PIK3CD: variants seen among roughly 807,000 people sequenced by gnomAD.
PIK3CD encodes the protein phosphatidylinositol 4,5-bisphosphate 3-kinase catalytic subunit delta isoform.
Under a neutral mutation model 122.9 loss-of-function variants are expected in PIK3CD, and 20 were observed. That is an observed-to-expected ratio of 0.16 (90% confidence interval 0.11 to 0.24). The LOEUF (loss-of-function observed/expected upper bound fraction) is 0.24. Ranked by LOEUF, PIK3CD falls within the 10% of genes least tolerant of loss-of-function variation. The probability of loss-of-function intolerance (pLI) is 1.00; values close to 1 mark genes in which losing one functional copy is unlikely to be tolerated. For missense variants in PIK3CD, 787 were observed against 1,406.3 expected (o/e 0.56, Z 7.04); for synonymous variants, 596 against 593.4 (o/e 1.00, Z -0.06).
At chr1:9,662,784 G>A (rs553038198) in intron 1 of PIK3CD, among the ~76,000 whole-genome samples, 23 of 151,980 alleles carry the variant, frequency 1.5e-4, no homozygotes, top group African/African-American at 5.3e-4. Flanking sequence ...TACCTCCCGC[G>A]TCCTAGCAAT....
In PIK3CD at chr1:9,689,573, T is replaced by G. The variant is rs1570243709; in HGVS notation, c.-137-1894T>G. On this transcript the variant is annotated intron_variant, in intron 1 of 23. Transcript: ENST00000377346. The surrounding 1 kb of genome is among the most constrained non-coding windows in gnomAD (Gnocchi z 6.1). The stretch of plus-strand genomic sequence containing the variant: ...CCGCCGAGCCCCGCTTGCCTGCACC[T>G]CGCGCGGCGGGCCTGCCCTCCGGCC... Among the ~76,000 whole-genome samples, 1 of 143,564 alleles carries G rather than the reference T, an allele frequency of 7.0e-6. No individual in the cohort carries two copies. Among genetic ancestry groups the G allele is most frequent in the South Asian group, 2.2e-4 (1 of 4,642 alleles). The allele number at this position is 143,564 out of a possible 152,430, so 94.2% of individuals were successfully genotyped here.
chr1:9,654,987 A>G (rs531810449), intron 1 of PIK3CD, among the ~76,000 whole-genome samples: 2 of 152,056 alleles, frequency 1.3e-5, no homozygotes, highest in East Asian at 3.9e-4. Context: ...GAATCGCTTC[A>G]ATCCGGGAGG....
At chr1:9,716,860 A>G in intron 6 of PIK3CD, 99 bp from the exon 7 acceptor site, 1 of 1,528,770 alleles carries the variant, frequency 6.5e-7, no homozygotes, top group Non-Finnish European at 9.0e-7. Flanking sequence ...CCCAAGGCCT[A>G]GGACAGGCAG....
At chr1:9,659,125 G>A (rs1474790499) in intron 1 of PIK3CD, among the ~76,000 whole-genome samples, 1 of 151,614 alleles carries the variant, frequency 6.6e-6, no homozygotes, top group African/African-American at 2.4e-5. Context: ...AGAACACATG[G>A]ACACAGGGAG....
chr1:9,724,496 G>T lies in PIK3CD; in HGVS notation c.2864+75G>T. 6.5e-7 allele frequency: 1 copy of T among 1,533,918 alleles called. No individual in the cohort carries two copies. ...GAACAGGGCAGAGGTTCCCAGGCAG[G>T]GTGCAGGATGGGGCTCAGGTCTCAA... On this transcript the variant is annotated intron_variant, in intron 22 of 23. Transcript: ENST00000377346. The surrounding 1 kb of genome is among the most constrained non-coding windows in gnomAD (Gnocchi z 7.3).
At position 9,710,855 on chromosome 1, in the gene PIK3CD, G is replaced by A. The variant is rs773320983; in HGVS notation, c.141+259G>A. Among the ~76,000 whole-genome samples the A allele has an allele frequency of 1.3e-5, 2 of 152,074 alleles. No homozygotes were observed. Among genetic ancestry groups the A allele is most frequent in the Non-Finnish European group, 2.9e-5 (2 of 68,010 alleles). On this transcript the variant is annotated intron_variant, in intron 3 of 23. Coordinates refer to ENST00000377346, the MANE Select transcript of PIK3CD (RefSeq NM_005026.5). The surrounding 1 kb of genome is among the most constrained non-coding windows in gnomAD (Gnocchi z 4.7). ...GGCTGGTGTGCAATGGCGCAATCTC[G>A]GCTCACTGCAACCTCCAACTCCCGG... is the stretch of plus-strand genomic sequence containing the variant.
rs531110961 is a variant in PIK3CD at position 9,720,700 on chromosome 1, C to T, written c.1521+39C>T. On this transcript the variant is annotated intron_variant, in intron 12 of 23. Coordinates refer to ENST00000377346, the MANE Select transcript of PIK3CD (RefSeq NM_005026.5). This position sits in a 1 kb window ranked among gnomAD's most constrained non-coding sequence, Gnocchi z 9.0. The stretch of plus-strand genomic sequence containing the variant: ...GGGTGTGGGGTGGGGGGCATGGAGC[C>T]GGCGTGGAACCAGAGCCCTCACTCC... 2.6e-5 allele frequency: 41 copies of T among 1,579,650 alleles called. No individual in the cohort carries two copies. The South Asian group carries it at 2.6e-4, about 10-fold the overall frequency.
At position 9,720,205 on chromosome 1, in the gene PIK3CD, T is replaced by C; in HGVS notation, c.1433T>C (p.Val478Ala). Residue 478 changes from valine to alanine, a missense_variant, in exon 11 of 24, where the codon GTG (valine) becomes GCG (alanine). This residue lies in a region of PIK3CD where 592 missense variants were observed against 920.6 expected (regional missense o/e 0.64). Transcript: ENST00000377346. The surrounding 1 kb of genome is among the most constrained non-coding windows in gnomAD (Gnocchi z 9.0). Reference protein sequence around the residue: ...AAALLICLPEVAPHPVYYPAL... With the variant: ...AAALLICLPEAAPHPVYYPAL... ...GCCCTGCTCATCTGCCTGCCCGAGG[T>C]GGCCCCGCACCCCGTGTACTACCCC... 1 of 1,611,414 alleles carries C rather than the reference T, an allele frequency of 6.2e-7. No homozygotes were observed. The highest frequency in any genetic ancestry group is 1.3e-5 in the African/African-American group (1 of 74,994).
At chr1:9,669,529 A>ATAT (rs756792963) in intron 1 of PIK3CD, among the ~76,000 whole-genome samples, 2 of 152,172 alleles carry the variant, frequency 1.3e-5, no homozygotes, top group Non-Finnish European at 2.9e-5. Context: ...TGAAAAGTAT[A>ATAT]CATTGGTTCA....
In PIK3CD at chr1:9,722,964, C is replaced by T. The variant is rs570828866; in HGVS notation, c.2427-161C>T. ...CTTTCTGCACCTCAGATGCTGGTGC[C>T]GGCATCTCCAAGGAGCCAGCATCTC... On this transcript the variant is annotated intron_variant, in intron 19 of 23. Transcript: ENST00000377346. The surrounding 1 kb of genome is among the most constrained non-coding windows in gnomAD (Gnocchi z 7.6). 8.8e-4 allele frequency among the ~76,000 whole-genome samples: 134 copies of T among 152,306 alleles called. No individual in the cohort carries two copies. Among genetic ancestry groups the T allele is most frequent in the African/African-American group, 2.7e-3 (114 of 41,558 alleles).
intron 3 of PIK3CD, among the ~76,000 whole-genome samples, chr1:9,713,912 G>C (rs1419846076): frequency 1.3e-5 from 2 of 149,908 alleles, no homozygotes; most frequent in Admixed American, 1.3e-4. Flanking sequence ...TAGTGCAGTG[G>C]CATGATCACA....
chr1:9,702,500 CTTTTTTTTTTTTTTT>C (rs60167511), intron 2 of PIK3CD, among the ~76,000 whole-genome samples: 509 of 25,800 alleles, frequency 0.02, 5 homozygotes, highest in African/African-American at 0.054. Flanking sequence ...AAGAACTTTC[CTTTTTTTTTTTTTTT>C]TTTTTTTTTT....
intron 5 of PIK3CD, 160 bp from the exon 6 acceptor site, chr1:9,716,280 C>T (rs1037895039): frequency 1.2e-6 from 1 of 817,512 alleles, no homozygotes; most frequent in Admixed American, 2.1e-5. Context: ...TGGCGTGGGG[C>T]ATTGGGCATC....
At chr1:9,657,829 C>T (rs1301238025) in intron 1 of PIK3CD, among the ~76,000 whole-genome samples, 1 of 152,206 alleles carries the variant, frequency 6.6e-6, no homozygotes, top group East Asian at 1.9e-4. Flanking sequence ...CCACCTCTTA[C>T]CCCAGGACAT....
At position 9,727,226 on chromosome 1, in the gene PIK3CD, C is replaced by T; in HGVS notation, c.*180C>T. 1.3e-6 allele frequency: 1 copy of T among 742,618 alleles called. No individual in the cohort carries two copies. Among genetic ancestry groups the T allele is most frequent in the South Asian group, 1.7e-5 (1 of 58,548 alleles). The allele number at this position is 742,618 out of a possible 1,614,324, so 46.0% of individuals were successfully genotyped here. Reference sequence around the variant, plus strand: ...TGAAATAGTTTAAGGAGCTAAACAGCCATAAACGGAAACGCCTCCTTCATG... The same window carrying T: ...TGAAATAGTTTAAGGAGCTAAACAGTCATAAACGGAAACGCCTCCTTCATG... On this transcript the variant is annotated 3_prime_UTR_variant, in exon 24 of 24. Transcript: ENST00000377346.
intron 1 of PIK3CD, among the ~76,000 whole-genome samples, chr1:9,677,062 A>G (rs1169567091): frequency 5.3e-5 from 8 of 152,130 alleles, no homozygotes; most frequent in Non-Finnish European, 1.0e-4. Flanking sequence ...CAGAGCTTAC[A>G]GGGTTGTCTG....
chr1:9,676,869 T>C (rs1223947464), intron 1 of PIK3CD, among the ~76,000 whole-genome samples: 1 of 152,146 alleles, frequency 6.6e-6, no homozygotes, highest in African/African-American at 2.4e-5. Context: ...GGCTGTGCTA[T>C]GGGACAGAGT....
intron 1 of PIK3CD, among the ~76,000 whole-genome samples, chr1:9,675,931 ATTT>A (rs577007319): frequency 1.5e-5 from 2 of 132,202 alleles, no homozygotes; most frequent in Non-Finnish European, 1.6e-5. Flanking sequence ...CACCAAGCTA[ATTT>A]TTTTTTTTTT....
In PIK3CD at chr1:9,720,551, G is replaced by C; in HGVS notation, c.1471-60G>C. 2 of 1,548,102 alleles carry C rather than the reference G, an allele frequency of 1.3e-6. No homozygotes were observed. Among genetic ancestry groups the C allele is most frequent in the Non-Finnish European group, 1.7e-6 (2 of 1,145,522 alleles). On this transcript the variant is annotated intron_variant, in intron 11 of 23. Coordinates refer to ENST00000377346, the MANE Select transcript of PIK3CD (RefSeq NM_005026.5). The surrounding 1 kb of genome is among the most constrained non-coding windows in gnomAD (Gnocchi z 9.0). ...GATTGGGGTGGCAATGCCCGGCCTG[G>C]GGGTCCTGCCCGGGCTGGTCCAGGC... is the stretch of plus-strand genomic sequence containing the variant.
Sources: gnomAD v4.1 joint callset for allele counts (sites outside exome capture counted in the v4.1 genomes callset) on GRCh38, gnomAD v4.1.1 for gene constraint, gnomAD v4.1.1 regional missense constraint, Gnocchi (gnomAD v3.1) non-coding constraint, MANE v1.5 for transcripts, NCBI Gene and HGNC (gene_info 2026-07-23, HGNC 2026-07-21) for gene names.